The following PPP1R12B variants were observed in gnomAD, a reference collection of about 807,000 sequenced individuals.
The protein encoded by PPP1R12B is protein phosphatase 1 regulatory subunit 12B.
PPP1R12B carries 76 observed loss-of-function variants against 126.1 expected under a neutral mutation model. The ratio of observed to expected loss-of-function variants is 0.60; its 90% confidence interval spans 0.50 to 0.73. The LOEUF is 0.73. Ranked by LOEUF, PPP1R12B falls within the 30% of genes least tolerant of loss-of-function variation. The pLI is 0.00. For synonymous variants in PPP1R12B, 356 were observed against 434.7 expected, an observed-to-expected ratio of 0.82 and a Z score of 2.25; for missense variants, 1,052 against 1,205.1, an observed-to-expected ratio of 0.87 and a Z score of 1.88.
At chr1:202,553,574 G>A (rs1409326283) in intron 18 of PPP1R12B, among the ~76,000 whole-genome samples, 2 of 152,202 alleles carry the variant, frequency 1.3e-5, no homozygotes, top group South Asian at 2.1e-4. Flanking sequence ...TACTTACAGA[G>A]TAGACTAACT....
In PPP1R12B at chr1:202,411,477, A is replaced by G. The variant is rs117878782; in HGVS notation, c.292-5310A>G. Among the ~76,000 whole-genome samples, 159 of 152,200 alleles carry G rather than the reference A, an allele frequency of 1.0e-3. No individual in the cohort carries two copies. The East Asian group carries it at 0.031, about 29-fold the overall frequency. On this transcript the variant is annotated intron_variant, in intron 1 of 23. Transcript: ENST00000608999. ...GGAATTTTCTGCAGTTAGACTTACA[A>G]ACAAGCTCCAGAATCTTGCTAGTTC...
In PPP1R12B at chr1:202,354,461, T is replaced by G. The variant is rs1656653891; in HGVS notation, c.291+5319T>G. Among the ~76,000 whole-genome samples the G allele has an allele frequency of 1.3e-5, 2 of 152,108 alleles. 1 individual carries two copies. The highest frequency in any genetic ancestry group is 4.1e-4 in the South Asian group (2 of 4,826). On this transcript the variant is annotated intron_variant, in intron 1 of 23. Coordinates refer to ENST00000608999, the MANE Select transcript of PPP1R12B (RefSeq NM_002481.4). ...GTGCATGTCTGTAGTTGCAGCTACTTGGGAGGCTGAGGCGGGAGGATAGCT... is the reference window on the plus strand; with the variant it reads ...GTGCATGTCTGTAGTTGCAGCTACTGGGGAGGCTGAGGCGGGAGGATAGCT...
intron 18 of PPP1R12B, chr1:202,502,429 T>C: frequency 2.0e-6 from 2 of 984,098 alleles, no homozygotes; most frequent in Non-Finnish European, 1.2e-6. Context: ...TAGAAATAAA[T>C]AGAAATATAC....
intron 23 of PPP1R12B, among the ~76,000 whole-genome samples, chr1:202,578,823 C>T (rs17440089): frequency 0.053 from 8,090 of 152,256 alleles, 302 homozygotes; most frequent in Non-Finnish European, 0.083. Context: ...GCAGAGAAGG[C>T]GAGTGATCTG....
At chr1:202,370,206 A>T in intron 1 of PPP1R12B, 1 of 179,958 alleles carries the variant, frequency 5.6e-6, no homozygotes, top group Non-Finnish European at 1.2e-5. Flanking sequence ...CGGACATCCC[A>T]CTCTTTCAGT....
chr1:202,509,722 TTTGCCTTGTC>T, intron 18 of PPP1R12B, among the ~76,000 whole-genome samples: 1 of 152,200 alleles, frequency 6.6e-6, no homozygotes, highest in Non-Finnish European at 1.5e-5. Context: ...TACTAGTCTT[TTTGCCTTGTC>T]AACGCTTAGT....
intron 13 of PPP1R12B, among the ~76,000 whole-genome samples, chr1:202,478,667 T>C (rs1307273568): frequency 6.6e-6 from 1 of 152,162 alleles, no homozygotes; most frequent in African/African-American, 2.4e-5. Context: ...AATCTGGACT[T>C]ATATGCAGTA....
chr1:202,442,582 T>G lies in PPP1R12B; in HGVS notation c.1667+10T>G, dbSNP rs200454319. ...CAACTTACTTGAAAAGGTACCAGGCTCAAAGGGGGTGGGAGATGTTTCTTT... is the reference window on the plus strand; with the variant it reads ...CAACTTACTTGAAAAGGTACCAGGCGCAAAGGGGGTGGGAGATGTTTCTTT... On this transcript the variant is annotated intron_variant, in intron 12 of 23. Transcript: ENST00000608999. 6 of 1,605,674 alleles carry G rather than the reference T, an allele frequency of 3.7e-6. No homozygotes were observed. The highest frequency in any genetic ancestry group is 5.1e-6 in the Non-Finnish European group (6 of 1,175,852).
At chr1:202,567,641 G>C (rs1341785378) in intron 21 of PPP1R12B, 137 bp from the exon 22 acceptor site, 1 of 805,452 alleles carries the variant, frequency 1.2e-6, no homozygotes, top group South Asian at 1.8e-5. Flanking sequence ...CTGTTTGCTG[G>C]GGATCCCTGC....
chr1:202,352,479 G>A (rs1656204246), intron 1 of PPP1R12B, among the ~76,000 whole-genome samples: 1 of 152,146 alleles, frequency 6.6e-6, no homozygotes, highest in Non-Finnish European at 1.5e-5. Context: ...TGTGCTGAGT[G>A]TGGTGAGGGA....
intron 1 of PPP1R12B, among the ~76,000 whole-genome samples, chr1:202,377,989 C>G (rs1661523456): frequency 6.6e-6 from 1 of 151,460 alleles, no homozygotes; most frequent in South Asian, 2.1e-4. Flanking sequence ...CAGGCGCCCG[C>G]CACCTCGCCC....
intron 5 of PPP1R12B, 29 bp downstream of exon 5, chr1:202,427,213 A>G: frequency 1.9e-6 from 3 of 1,610,642 alleles, no homozygotes; most frequent in Non-Finnish European, 2.5e-6. Context: ...CTAAAAGAAC[A>G]ACGAGATTGG....
chr1:202,516,766 T>G (rs1682193858), intron 18 of PPP1R12B, among the ~76,000 whole-genome samples: 1 of 152,208 alleles, frequency 6.6e-6, no homozygotes, highest in South Asian at 2.1e-4. Context: ...CTTTCTCTCC[T>G]TGTTAAGAAT....
rs1184433934 is a variant in PPP1R12B, at chr1:202,562,800, C to A, written c.2530C>A (p.Pro844Thr). The A allele has an allele frequency of 1.2e-6, 2 of 1,612,468 alleles. No individual in the cohort carries two copies. Among genetic ancestry groups the A allele is most frequent in the Non-Finnish European group, 1.7e-6 (2 of 1,179,148 alleles). Residue 844 changes from proline to threonine, a missense_variant, in exon 20 of 24, where the codon CCT becomes ACT. Physicochemically the swap from Pro to Thr is conservative, Grantham distance 38. Transcript: ENST00000608999. ...LSRLESGGSN[P>T]TTSDSYGDRA... ...CAGGTTGGAATCGGGAGGTAGTAAT[C>A]CTACAACCAGTGATTCTTACGGTGA...
At chr1:202,377,087 T>C (rs1333231659) in intron 1 of PPP1R12B, among the ~76,000 whole-genome samples, 1 of 152,192 alleles carries the variant, frequency 6.6e-6, no homozygotes, top group African/African-American at 2.4e-5. Flanking sequence ...ATACCCCTGT[T>C]AACACCATTT....
chr1:202,395,006 A>C (rs1664735842), intron 1 of PPP1R12B, among the ~76,000 whole-genome samples: 1 of 150,174 alleles, frequency 6.7e-6, no homozygotes, highest in Non-Finnish European at 1.5e-5. Flanking sequence ...AATCCCAGCT[A>C]CTTGGGAGGC....
At chr1:202,530,692 C>T (rs1683844434) in intron 18 of PPP1R12B, among the ~76,000 whole-genome samples, 1 of 152,170 alleles carries the variant, frequency 6.6e-6, no homozygotes, top group Non-Finnish European at 1.5e-5. Context: ...TGCTGTGCAA[C>T]TTGTATATCC....
At chr1:202,541,842 A>T (rs1347411669) in intron 18 of PPP1R12B, among the ~76,000 whole-genome samples, 2 of 152,034 alleles carry the variant, frequency 1.3e-5, no homozygotes, top group Admixed American at 1.3e-4. Context: ...ACCACCCCTC[A>T]TCCCTGCCTT....
intron 12 of PPP1R12B, among the ~76,000 whole-genome samples, chr1:202,447,608 A>G (rs1281330049): frequency 6.6e-6 from 1 of 152,218 alleles, no homozygotes; most frequent in African/African-American, 2.4e-5. Flanking sequence ...GGCTGTTCTT[A>G]TTCTAACAAT....
Sources: gnomAD v4.1 joint callset for allele counts (sites outside exome capture counted in the v4.1 genomes callset) on GRCh38, gnomAD v4.1.1 for gene constraint, MANE v1.5 for transcripts, NCBI Gene and HGNC (gene_info 2026-07-23, HGNC 2026-07-21) for gene names.